Variants in COL27A1 observed in about 807,000 individuals in gnomAD.
COL27A1 encodes the protein collagen type XXVII alpha 1 chain, also known as collagen alpha-1(XXVII) chain.
Under a neutral mutation model 251.3 loss-of-function variants are expected in COL27A1, and 106 were observed. That is an observed-to-expected ratio of 0.42 (90% CI 0.36 to 0.50). The LOEUF is 0.50. COL27A1 is among the 20% of genes least tolerant of loss of function. The pLI is 0.00. For missense variants in COL27A1, 2,325 were observed against 2,522.8 expected, an observed-to-expected ratio of 0.92 and a Z score of 1.68; for synonymous variants, 1,000 against 986.3, an observed-to-expected ratio of 1.01 and a Z score of -0.26.
chr9:114,222,287 G>A lies in COL27A1; in HGVS notation c.2466+20G>A. On this transcript the variant is annotated intron_variant, in intron 14 of 60. Transcript: ENST00000356083. ...CTCATTGTAAGTACATTGATGCCTG[G>A]GGCAGCAGGTGGGTGTTGAGGAGAC... 6.2e-7 allele frequency: 1 copy of A among 1,610,414 alleles called. No individual in the cohort carries two copies. The highest frequency in any genetic ancestry group is 8.5e-7 in the Non-Finnish European group (1 of 1,177,210).
At chr9:114,196,732 C>A (rs1446353652) in intron 7 of COL27A1, among the ~76,000 whole-genome samples, 1 of 152,176 alleles carries the variant, frequency 6.6e-6, no homozygotes, top group Non-Finnish European at 1.5e-5. Flanking sequence ...TTCAGCCATG[C>A]TGGGGGAGTT....
intron 56 of COL27A1, 47 bp downstream of exon 56, chr9:114,302,155 G>C (rs1334051354): frequency 2.0e-6 from 3 of 1,536,742 alleles, no homozygotes; most frequent in South Asian, 2.2e-5. Flanking sequence ...AAGGCCTGAG[G>C]GGTTTGGGGG....
Position 114,281,841 on chromosome 9 carries a change from C to T in COL27A1, c.3718-436C>T, listed in dbSNP as rs1210132917. The stretch of plus-strand genomic sequence containing the variant: ...GGAACTTGGCTGCCTCAACTGGAAG[C>T]GGGTCTCATTGGGGCCTAATGTTCA... On this transcript the variant is annotated intron_variant, in intron 37 of 60. Coordinates refer to ENST00000356083, the MANE Select transcript of COL27A1 (RefSeq NM_032888.4). 3.9e-5 allele frequency among the ~76,000 whole-genome samples: 6 copies of T among 152,172 alleles called. No homozygotes were observed. The East Asian group carries it at 9.7e-4, about 25-fold the overall frequency.
chr9:114,164,964 A>G (rs1439244508), intron 2 of COL27A1, among the ~76,000 whole-genome samples: 1 of 152,198 alleles, frequency 6.6e-6, no homozygotes, highest in Admixed American at 6.5e-5. Flanking sequence ...GAACATTGTA[A>G]CACCTGTGCT....
rs927410918 is a variant in COL27A1, at chr9:114,301,686, C to T, written c.4814C>T (p.Pro1605Leu). ...CTTCTTCTCTTGTTCCCCCAGGGTC[C>T]TCCCGGCCCCAGAGGGCGGCCCGGC... ...GDWGLQGPRG[P>L]PGPRGRPGPP... Residue 1605 changes from proline to leucine, a missense_variant, in exon 55 of 61, where the codon CCT becomes CTT. By Grantham distance (98) the Pro-to-Leu change is moderately conservative. Transcript: ENST00000356083. 6.2e-7 allele frequency: 1 copy of T among 1,611,084 alleles called. No individual in the cohort carries two copies. The highest frequency in any genetic ancestry group is 2.2e-5 in the East Asian group (1 of 44,844).
chr9:114,183,147 G>A (rs1828065846), intron 5 of COL27A1, 72 bp downstream of exon 5: 7 of 1,446,284 alleles, frequency 4.8e-6, no homozygotes, highest in Non-Finnish European at 5.8e-6. Flanking sequence ...TGCTTCCCAG[G>A]GGTGCCTGGT....
At chr9:114,258,928 A>G (rs951454614) in intron 28 of COL27A1, among the ~76,000 whole-genome samples, 5 of 152,232 alleles carry the variant, frequency 3.3e-5, no homozygotes, top group Non-Finnish European at 1.5e-5. Flanking sequence ...TATAGTGGTG[A>G]ACAGGACAGA....
chr9:114,164,699 A>T (rs1282096034), intron 2 of COL27A1, among the ~76,000 whole-genome samples: 1 of 152,218 alleles, frequency 6.6e-6, no homozygotes, highest in Non-Finnish European at 1.5e-5. Context: ...TCCCATTCTA[A>T]GTCCCAGTCT....
chr9:114,209,416 G>A lies in COL27A1; in HGVS notation c.2269-259G>A, dbSNP rs1047092986. 1.3e-5 allele frequency: 10 copies of A among 743,818 alleles called. No individual in the cohort carries two copies. In the African/African-American group the frequency reaches 1.4e-4, roughly 10 times the overall value. The allele number at this position is 743,818 out of a possible 1,614,324, so 46.1% of individuals were successfully genotyped here. ...CCTGGCGTGGGGCGGGCCTCCTGCC[G>A]GCGAGCGCCTGCGCCCTTCCCTGGC... On this transcript the variant is annotated intron_variant, in intron 10 of 60. Transcript: ENST00000356083.
chr9:114,246,534 G>A (rs1213616449), intron 24 of COL27A1, among the ~76,000 whole-genome samples: 2 of 152,208 alleles, frequency 1.3e-5, no homozygotes, highest in African/African-American at 2.4e-5. Flanking sequence ...CCTCCTGAAA[G>A]CTTAACCTCT....
rs549850855 is a variant in COL27A1, at chr9:114,196,002, C to A, written c.2114C>A (p.Pro705Gln). The change falls in exon 7 of 61, where the codon CCG becomes CAG. Residue 705 changes from proline to glutamine, a missense_variant. By Grantham distance (76) the Pro-to-Gln change is moderately conservative. Coordinates refer to ENST00000356083, the MANE Select transcript of COL27A1 (RefSeq NM_032888.4). ...GGGCTCTCCGGGAATCCAGGACCTC[C>A]GGGACGAAAGGTACTGTTTGGTTTT... ...LPGLSGNPGP[P>Q]GRKGHKGYPG... 2 of 1,614,028 alleles carry A rather than the reference C, an allele frequency of 1.2e-6. No individual in the cohort carries two copies. The highest frequency in any genetic ancestry group is 1.7e-6 in the Non-Finnish European group (2 of 1,179,912).
chr9:114,264,441 C>G (rs770604349), intron 29 of COL27A1, 33 bp downstream of exon 29: 3 of 1,490,950 alleles, frequency 2.0e-6, no homozygotes, highest in Non-Finnish European at 2.7e-6. Context: ...CTTCCTCACT[C>G]CTCCGACACT....
At chr9:114,302,492 C>A (rs10982138) in intron 56 of COL27A1, among the ~76,000 whole-genome samples, 17,595 of 151,966 alleles carry the variant, frequency 0.12, 1,108 homozygotes, top group Non-Finnish European at 0.15. Context: ...TTTGGGAGTT[C>A]GAGGCGAGCA....
rs1412884120 is a variant in COL27A1 at position 114,290,011 on chromosome 9, C to T, written c.4207-47C>T. ...CCTCCTTCCAGAGCCCCTAGGGTCC[C>T]ACACCTCTACCAGGCAGCCTCCATC... On this transcript the variant is annotated intron_variant, in intron 45 of 60. Coordinates refer to ENST00000356083, the MANE Select transcript of COL27A1 (RefSeq NM_032888.4). The surrounding 1 kb of genome is among the most constrained non-coding windows in gnomAD (Gnocchi z 4.6). The T allele has an allele frequency of 1.2e-6, 2 of 1,605,688 alleles. No homozygotes were observed. Among genetic ancestry groups the T allele is most frequent in the Admixed American group, 1.7e-5 (1 of 60,008 alleles).
chr9:114,164,351 T>C (rs1173317614), intron 2 of COL27A1, among the ~76,000 whole-genome samples: 1 of 152,184 alleles, frequency 6.6e-6, no homozygotes, highest in Non-Finnish European at 1.5e-5. Context: ...CCTGCAGGGC[T>C]CACAGTGGTC....
chr9:114,234,495 C>A (rs1832214175), intron 16 of COL27A1, among the ~76,000 whole-genome samples: 2 of 152,026 alleles, frequency 1.3e-5, no homozygotes, highest in South Asian at 4.1e-4. Context: ...CAGTAATGTC[C>A]AACGTGGAGG....
At chr9:114,269,413 T>G (rs1834970189) in intron 35 of COL27A1, 119 bp downstream of exon 35, 1 of 627,262 alleles carries the variant, frequency 1.6e-6, no homozygotes, top group Admixed American at 3.2e-5. Flanking sequence ...AGAAATAGAC[T>G]ATGAATGTCT....
chr9:114,308,228 G>C (rs574008289), intron 59 of COL27A1, among the ~76,000 whole-genome samples: 1 of 152,330 alleles, frequency 6.6e-6, no homozygotes, highest in South Asian at 2.1e-4. Flanking sequence ...GTGGTACAGG[G>C]CCACTCAACA....
intron 50 of COL27A1, chr9:114,300,343 T>G (rs576069783): frequency 2.2e-4 from 130 of 596,038 alleles, no homozygotes; most frequent in Middle Eastern, 1.3e-3. Flanking sequence ...TCACTTAGTC[T>G]CTCTAAGCCT....
Sources: allele counts gnomAD v4.1 joint callset (sites outside exome capture counted in the v4.1 genomes callset), GRCh38; gene constraint gnomAD v4.1.1; non-coding constraint Gnocchi (gnomAD v3.1); transcripts MANE v1.5; gene names NCBI Gene and HGNC (gene_info 2026-07-23, HGNC 2026-07-21).